Variants in UGT1A7 observed in about 807,000 individuals in gnomAD.
The protein encoded by UGT1A7 is UDP-glucuronosyltransferase 1A7.
In UGT1A7, 33 loss-of-function variants were observed where a neutral mutation model predicts 45.6. That is an observed-to-expected ratio of 0.72 (90% CI 0.55 to 0.97). The LOEUF (loss-of-function observed/expected upper bound fraction) is 0.97. UGT1A7 is among the 50% of genes least tolerant of loss of function. The pLI is 0.00. For missense variants in UGT1A7, 684 were observed against 666.2 expected, an observed-to-expected ratio of 1.03 and a Z score of -0.29; for synonymous variants, 274 against 250.6, an observed-to-expected ratio of 1.09 and a Z score of -0.88.
At chr2:233,743,532 G>T in intron 1 of UGT1A7, 1 of 1,367,232 alleles carries the variant, frequency 7.3e-7, no homozygotes, top group South Asian at 1.1e-5. Context: ...TTCCCCAGCA[G>T]TTCCTCTGAC....
Position 233,768,531 on chromosome 2 carries a change from G to A in UGT1A7, c.1295+92G>A, listed in dbSNP as rs868518109. ...AAACATTTACGTAGCATTTAATAGC[G>A]TTGTTTCAAATATAAAAACAAATAC... On this transcript the variant is annotated intron_variant, in intron 4 of 4. Transcript: ENST00000373426. 3.8e-5 allele frequency: 56 copies of A among 1,481,648 alleles called. No individual in the cohort carries two copies. In the East Asian group the frequency reaches 3.8e-4, roughly 10 times the overall value. 91.8% of individuals were successfully genotyped at this position (1,481,648 alleles called of 1,614,324 possible).
At chr2:233,710,205 G>C (rs766804626) in intron 1 of UGT1A7, among the ~76,000 whole-genome samples, 1 of 152,228 alleles carries the variant, frequency 6.6e-6, no homozygotes, top group Admixed American at 6.5e-5. Context: ...CCAGTTGTTG[G>C]CTATTATGAA....
chr2:233,768,039 G>T (rs1699553199), intron 3 of UGT1A7, 103 bp downstream of exon 3: 10 of 1,610,920 alleles, frequency 6.2e-6, no homozygotes, highest in Non-Finnish European at 8.5e-6. Flanking sequence ...AAATATTATG[G>T]CCAACATATC....
At chr2:233,712,927 G>A (rs1300502786) in intron 1 of UGT1A7, 9 of 1,611,900 alleles carry the variant, frequency 5.6e-6, no homozygotes, top group East Asian at 4.5e-5. Context: ...TAATTAAGAC[G>A]AAGGAAACAA....
chr2:233,702,667 T>C (rs1575474362), intron 1 of UGT1A7, among the ~76,000 whole-genome samples: 2 of 152,194 alleles, frequency 1.3e-5, no homozygotes, highest in South Asian at 4.1e-4. Context: ...AGTATTCTTA[T>C]CATACCTGAG....
intron 3 of UGT1A7, 132 bp downstream of exon 3, chr2:233,768,068 A>C: frequency 6.3e-7 from 1 of 1,596,810 alleles, no homozygotes; most frequent in African/African-American, 1.3e-5. Flanking sequence ...CTTTTTATCT[A>C]GTGGGGTATC....
At chr2:233,689,950 A>C (rs2074967495) in intron 1 of UGT1A7, 1 of 456,442 alleles carries the variant, frequency 2.2e-6, no homozygotes, top group Non-Finnish European at 4.4e-6. Flanking sequence ...ATTTTCCTTT[A>C]TTTCCATGCT....
intron 1 of UGT1A7, chr2:233,747,635 G>C: frequency 7.6e-6 from 12 of 1,581,768 alleles, no homozygotes; most frequent in Non-Finnish European, 1.0e-5. Context: ...TCAGGCACCT[G>C]AATGCTACTT....
At chr2:233,767,818 C>T (rs766005162) in intron 2 of UGT1A7, 31 bp from the exon 3 acceptor site, 60 of 1,614,028 alleles carry the variant, frequency 3.7e-5, no homozygotes, top group Non-Finnish European at 4.5e-5. Context: ...TATGTTCTTT[C>T]TTTACGTTCT....
intron 1 of UGT1A7, among the ~76,000 whole-genome samples, chr2:233,704,000 C>G (rs536799646): frequency 3.3e-5 from 5 of 152,024 alleles, no homozygotes; most frequent in Non-Finnish European, 5.9e-5. Flanking sequence ...AAGCAGTTCT[C>G]CCACCTCAGC....
intron 2 of UGT1A7, 116 bp downstream of exon 2, chr2:233,767,281 C>T: frequency 6.4e-7 from 1 of 1,571,624 alleles, no homozygotes; most frequent in Non-Finnish European, 8.6e-7. Flanking sequence ...TTTTCCCTGC[C>T]ACTTCCCAAC....
intron 1 of UGT1A7, among the ~76,000 whole-genome samples, chr2:233,727,735 C>A (rs1040217488): frequency 1.3e-5 from 2 of 152,208 alleles, no homozygotes; most frequent in Non-Finnish European, 2.9e-5. Flanking sequence ...CTTTTCTGTG[C>A]CATCCTGCGT....
chr2:233,693,313 AT>A, intron 1 of UGT1A7: 1 of 1,614,218 alleles, frequency 6.2e-7, no homozygotes, highest in Non-Finnish European at 8.5e-7. Context: ...CTGAGCGATC[AT>A]TCCTAACTGC....
At chr2:233,743,449 G>A in intron 1 of UGT1A7, 2 of 1,365,064 alleles carry the variant, frequency 1.5e-6, no homozygotes, top group African/African-American at 3.0e-5. Context: ...TGTATCAAAA[G>A]AAGAAAAAAC....
intron 1 of UGT1A7, chr2:233,755,362 C>T (rs1695882393): frequency 8.2e-6 from 3 of 365,832 alleles, no homozygotes; most frequent in Admixed American, 3.9e-5. Context: ...CGACCTGGGC[C>T]GCCTGGAGGG....
chr2:233,695,117 AC>A (rs1286119595), intron 1 of UGT1A7, among the ~76,000 whole-genome samples: 2 of 117,164 alleles, frequency 1.7e-5, no homozygotes, highest in African/African-American at 6.7e-5. Context: ...CCATTAACCA[AC>A]CCTTTTCTTT....
intron 1 of UGT1A7, among the ~76,000 whole-genome samples, chr2:233,730,760 A>T (rs890717703): frequency 1.3e-5 from 2 of 152,118 alleles, no homozygotes; most frequent in Non-Finnish European, 1.5e-5. Flanking sequence ...TAAGACTGTG[A>T]ATCTATAAGC....
intron 1 of UGT1A7, chr2:233,743,865 C>T (rs988813505): frequency 2.0e-5 from 27 of 1,367,074 alleles, no homozygotes; most frequent in Non-Finnish European, 2.5e-5. Flanking sequence ...TTCTTGATGG[C>T]CTCGGATGAG....
At chr2:233,749,725 C>T in intron 1 of UGT1A7, among the ~76,000 whole-genome samples, 1 of 151,866 alleles carries the variant, frequency 6.6e-6, no homozygotes, top group East Asian at 1.9e-4. Flanking sequence ...GGCAGTTTCG[C>T]ACCTGCTGGT....
Sources: gnomAD v4.1 joint callset for allele counts (sites outside exome capture counted in the v4.1 genomes callset) on GRCh38, gnomAD v4.1.1 for gene constraint, MANE v1.5 for transcripts, NCBI Gene and HGNC (gene_info 2026-07-23, HGNC 2026-07-21) for gene names.